The following HMGCLL1 variants were observed in gnomAD, a reference collection of about 807,000 sequenced individuals.
HMGCLL1 encodes 3-hydroxy-3-methylglutaryl-CoA lyase like 1.
A neutral mutation model predicts 39.1 loss-of-function variants in HMGCLL1; 36 were observed. The observed-to-expected ratio is 0.92, with a 90% CI of 0.71 to 1.22. HMGCLL1 has a LOEUF of 1.22. Ranked by LOEUF, HMGCLL1 falls within the 50% of genes most tolerant of loss-of-function variation. The pLI is 0.00. For synonymous variants in HMGCLL1, 149 were observed against 144.0 expected (o/e 1.03, Z -0.25); for missense variants, 451 against 416.5 (o/e 1.08, Z -0.72).
At chr6:55,439,317 C>A in intron 8 of HMGCLL1, 117 bp downstream of exon 8, 1 of 1,006,406 alleles carries the variant, frequency 9.9e-7, no homozygotes, top group Admixed American at 2.4e-5. Flanking sequence ...TGCATTTTAG[C>A]AAATAGCAAA....
At chr6:55,586,817 C>T in the HMGCLL1 span, among the ~76,000 whole-genome samples, 1 of 151,972 alleles carries the variant, frequency 6.6e-6, no homozygotes, top group Non-Finnish European at 1.5e-5. Flanking sequence ...TGGGTTGGTT[C>T]CAAGTCTTTG....
chr6:55,480,415 T>C (rs1765679821), intron 7 of HMGCLL1, among the ~76,000 whole-genome samples: 1 of 151,686 alleles, frequency 6.6e-6, no homozygotes, highest in South Asian at 2.1e-4. Flanking sequence ...ATTAAAACTA[T>C]AATGAGATAT....
the HMGCLL1 span, among the ~76,000 whole-genome samples, chr6:55,615,520 T>C: frequency 2.3e-4 from 35 of 152,188 alleles, no homozygotes; most frequent in Admixed American, 1.7e-3. Flanking sequence ...CTCAATCACC[T>C]AATCCAATGT....
chr6:55,533,101 T>C (rs2127449879), intron 3 of HMGCLL1, among the ~76,000 whole-genome samples: 1 of 151,500 alleles, frequency 6.6e-6, no homozygotes, highest in African/African-American at 2.4e-5. Flanking sequence ...CAGGAATTTA[T>C]ATCATCACTA....
In HMGCLL1 at chr6:55,579,133, G is replaced by GC. The variant is rs1245495833; in HGVS notation, c.-79dup. 8.9e-7 allele frequency: 1 copy of GC among 1,119,618 alleles called. No individual in the cohort carries two copies. The highest frequency in any genetic ancestry group is 1.3e-6 in the Non-Finnish European group (1 of 758,426). 69.4% of individuals were successfully genotyped at this position (1,119,618 alleles called of 1,614,324 possible). A position where few individuals can be genotyped will look rare whatever the true frequency, so the allele number is the denominator to read the frequency against. ...GGGGCGGGCACCGCGCTGGGAAACTGCGCCAGCTCGGGAGCGCGCCCCTCC... is the reference window on the plus strand; with the variant it reads ...GGGGCGGGCACCGCGCTGGGAAACTGCCGCCAGCTCGGGAGCGCGCCCCTCC... On this transcript the variant is annotated 5_prime_UTR_variant, in exon 1 of 9. Transcript: ENST00000274901.
intron 7 of HMGCLL1, among the ~76,000 whole-genome samples, chr6:55,481,840 GC>G (rs1392204549): frequency 6.6e-6 from 1 of 151,676 alleles, no homozygotes; most frequent in Non-Finnish European, 1.5e-5. Flanking sequence ...TTATCTTTGT[GC>G]ACCAAGACCT....
intron 1 of HMGCLL1, among the ~76,000 whole-genome samples, chr6:55,568,715 A>T (rs1771331420): frequency 6.6e-6 from 1 of 152,074 alleles, no homozygotes; most frequent in South Asian, 2.1e-4. Flanking sequence ...TTCAAATCTG[A>T]ATTTCTATAA....
intron 6 of HMGCLL1, among the ~76,000 whole-genome samples, chr6:55,496,653 G>T (rs1443927646): frequency 1.3e-5 from 2 of 151,966 alleles, no homozygotes; most frequent in Non-Finnish European, 2.9e-5. Flanking sequence ...TAACACCAAT[G>T]AACTCATAGG....
intron 7 of HMGCLL1, among the ~76,000 whole-genome samples, chr6:55,474,718 C>T (rs1765210489): frequency 6.6e-6 from 1 of 151,424 alleles, no homozygotes; most frequent in Non-Finnish European, 1.5e-5. Context: ...AAAGCCTACA[C>T]ATTGTATCTG....
chr6:55,635,567 C>A, the HMGCLL1 span, among the ~76,000 whole-genome samples: 5 of 152,104 alleles, frequency 3.3e-5, no homozygotes, highest in Non-Finnish European at 4.4e-5. Context: ...TACTGTCTGT[C>A]CAAGGTGCAA....
At chr6:55,603,259 C>T in the HMGCLL1 span, among the ~76,000 whole-genome samples, 1 of 151,990 alleles carries the variant, frequency 6.6e-6, no homozygotes, top group Non-Finnish European at 1.5e-5. Flanking sequence ...TTAACCTTTT[C>T]CTTATAGCAG....
chr6:55,627,933 A>ATATATATTATATATATAGTATATATAC, the HMGCLL1 span, among the ~76,000 whole-genome samples: 2 of 9,012 alleles, frequency 2.2e-4, 1 homozygote, highest in Admixed American at 4.0e-3. Context: ...TATATATACT[A>ATATATATTATATATATAGTATATATAC]TATATATAGT....
the HMGCLL1 span, among the ~76,000 whole-genome samples, chr6:55,644,641 T>C: frequency 6.6e-6 from 1 of 152,176 alleles, no homozygotes; most frequent in East Asian, 1.9e-4. Context: ...CCATCATTGT[T>C]TATCGAAGAG....
chr6:55,500,024 T>C (rs551792939), intron 5 of HMGCLL1, among the ~76,000 whole-genome samples: 7 of 152,160 alleles, frequency 4.6e-5, no homozygotes, highest in African/African-American at 1.7e-4. Flanking sequence ...TCAACATCAA[T>C]CCCATTTTAT....
At chr6:55,540,087 T>C (rs544139857) in intron 3 of HMGCLL1, among the ~76,000 whole-genome samples, 1 of 148,668 alleles carries the variant, frequency 6.7e-6, no homozygotes, top group Non-Finnish European at 1.5e-5. Context: ...AAGGAAAATA[T>C]GACTTTGTGA....
the HMGCLL1 span, among the ~76,000 whole-genome samples, chr6:55,655,781 C>T: frequency 2.6e-4 from 39 of 152,064 alleles, 1 homozygote; most frequent in South Asian, 8.1e-3. Flanking sequence ...TATTGAATTG[C>T]TTTTAATTGT....
chr6:55,636,147 G>A, the HMGCLL1 span, among the ~76,000 whole-genome samples: 51,486 of 151,806 alleles, frequency 0.34, 9,047 homozygotes, highest in African/African-American at 0.42. Flanking sequence ...ACAGAACCCA[G>A]TCCTACACAC....
At chr6:55,630,257 C>G in the HMGCLL1 span, among the ~76,000 whole-genome samples, 1 of 152,264 alleles carries the variant, frequency 6.6e-6, no homozygotes, top group Admixed American at 6.5e-5. Flanking sequence ...ATTTTTGGAA[C>G]TTTAAGATTT....
At chr6:55,637,596 C>A in the HMGCLL1 span, among the ~76,000 whole-genome samples, 1 of 152,090 alleles carries the variant, frequency 6.6e-6, no homozygotes, top group Non-Finnish European at 1.5e-5. Context: ...TTAATACACT[C>A]TTCTGAGTAG....
Sources: allele counts gnomAD v4.1 joint callset (sites outside exome capture counted in the v4.1 genomes callset), GRCh38; gene constraint gnomAD v4.1.1; transcripts MANE v1.5; gene names NCBI Gene and HGNC (gene_info 2026-07-23, HGNC 2026-07-21).